BDH1: variants seen among roughly 807,000 people sequenced by gnomAD.
BDH1 encodes the protein D-beta-hydroxybutyrate dehydrogenase, mitochondrial.
A neutral mutation model predicts 33.1 loss-of-function variants in BDH1; 30 were observed. The observed-to-expected ratio is 0.91, with a 90% CI of 0.68 to 1.23. The LOEUF is 1.23. Ranked by LOEUF, BDH1 falls within the 50% of genes most tolerant of loss-of-function variation. BDH1 has a pLI of 0.00. For synonymous variants in BDH1, 190 were observed against 183.6 expected (o/e 1.03, Z -0.28); for missense variants, 443 against 464.4 (o/e 0.95, Z 0.42).
At chr3:197,571,095 C>A (rs1717591425) in intron 1 of BDH1, among the ~76,000 whole-genome samples, 1 of 152,232 alleles carries the variant, frequency 6.6e-6, no homozygotes. Context: ...TAAGATTTGG[C>A]TGCCCTGCTG....
intron 3 of BDH1, among the ~76,000 whole-genome samples, chr3:197,534,407 T>G (rs570992513): frequency 6.6e-6 from 1 of 152,224 alleles, no homozygotes; most frequent in South Asian, 2.1e-4. Flanking sequence ...GTATCAATAA[T>G]TTGCTCCTTG....
intron 5 of BDH1, among the ~76,000 whole-genome samples, chr3:197,531,328 A>C (rs1466586614): frequency 6.6e-6 from 1 of 151,596 alleles, no homozygotes; most frequent in Non-Finnish European, 1.5e-5. Context: ...CCCGGGAGGC[A>C]GAGGTTGCAG....
intron 3 of BDH1, among the ~76,000 whole-genome samples, chr3:197,535,557 G>A (rs1462524682): frequency 1.3e-5 from 2 of 152,170 alleles, no homozygotes; most frequent in Non-Finnish European, 2.9e-5. Context: ...GGACAACAGA[G>A]GAATTTTCAA....
intron 3 of BDH1, among the ~76,000 whole-genome samples, chr3:197,544,597 C>T (rs1383522709): frequency 1.3e-5 from 2 of 152,204 alleles, no homozygotes; most frequent in African/African-American, 4.8e-5. Context: ...GCTCCGTCCC[C>T]GCTCTGATGG....
chr3:197,558,144 C>A (rs1717137135), upstream of BDH1, among the ~76,000 whole-genome samples: 1 of 152,214 alleles, frequency 6.6e-6, no homozygotes, highest in South Asian at 2.1e-4. Context: ...ACACATCTGG[C>A]CTTACATCTT....
rs1488387734 is a variant in BDH1, at chr3:197,566,013, T to G, written c.-44+7168A>C. On this transcript the variant is annotated intron_variant, in intron 1 of 6. Transcript: ENST00000358186. ...TGTTGCTGATCCTTTGTTTTGTTTT[T>G]CAGATACAAGAAAACGTCTTTTAAG... 3.3e-5 allele frequency among the ~76,000 whole-genome samples: 5 copies of G among 152,374 alleles called. No homozygotes were observed. The East Asian group carries it at 9.6e-4, about 29-fold the overall frequency.
chr3:197,541,819 C>G (rs1404783299), intron 3 of BDH1, among the ~76,000 whole-genome samples: 2 of 152,194 alleles, frequency 1.3e-5, no homozygotes, highest in Non-Finnish European at 2.9e-5. Context: ...AAACAAAGAC[C>G]TATCCCCAGG....
chr3:197,525,088 G>C lies in BDH1; in HGVS notation c.268-2307C>G, dbSNP rs951053687. On this transcript the variant is annotated intron_variant, in intron 5 of 7. Coordinates refer to ENST00000392379, the MANE Select transcript of BDH1 (RefSeq NM_203314.3). This position sits in a 1 kb window ranked among gnomAD's most constrained non-coding sequence, Gnocchi z 4.9. ...GAGATGCACGGGACAGATGGGCCTG[G>C]AGCTCAGGCTGTCATTCCCACAGAG... 1.6e-4 allele frequency among the ~76,000 whole-genome samples: 25 copies of C among 152,192 alleles called. No homozygotes were observed. The highest frequency in any genetic ancestry group is 5.8e-4 in the African/African-American group (24 of 41,450).
intron 3 of BDH1, among the ~76,000 whole-genome samples, chr3:197,542,907 C>CAGG (rs1715774102): frequency 6.6e-6 from 1 of 152,130 alleles, no homozygotes; most frequent in Non-Finnish European, 1.5e-5. Context: ...TGCCCTAACC[C>CAGG]AGGAACAGAA....
At chr3:197,524,670 G>A (rs2108729356) in intron 5 of BDH1, among the ~76,000 whole-genome samples, 1 of 151,926 alleles carries the variant, frequency 6.6e-6, no homozygotes, top group African/African-American at 2.4e-5. Context: ...GTCTGGAGAT[G>A]GCATGAGCTG....
chr3:197,569,416 A>C (rs1472546984), intron 1 of BDH1, among the ~76,000 whole-genome samples: 1 of 152,174 alleles, frequency 6.6e-6, no homozygotes, highest in African/African-American at 2.4e-5. Flanking sequence ...TGATGTCTTC[A>C]ATGAGGAAAA....
chr3:197,516,985 G>A lies in BDH1; in HGVS notation c.410-2569C>T, dbSNP rs1290839342. Among the ~76,000 whole-genome samples, 2 of 152,114 alleles carry A rather than the reference G, an allele frequency of 1.3e-5. No individual in the cohort carries two copies. The highest frequency in any genetic ancestry group is 1.9e-4 in the East Asian group (1 of 5,192). ...CAATGTCACCCAGCTAACAGGCAGG[G>A]AGGGTGGGATTTGGACCCAGATCTC... is the stretch of plus-strand genomic sequence containing the variant. On this transcript the variant is annotated intron_variant, in intron 6 of 7. Transcript: ENST00000392379. This position sits in a 1 kb window ranked among gnomAD's most constrained non-coding sequence, Gnocchi z 4.2.
Position 197,514,085 on chromosome 3 carries a change from C to A in BDH1, c.562+179G>T, listed in dbSNP as rs907876929. ...ACCTGCTCTGCTTCCTCCTCCCCTACCCGGCCACAGCCCCTCTGCCCACCA... is the reference window on the plus strand; with the variant it reads ...ACCTGCTCTGCTTCCTCCTCCCCTAACCGGCCACAGCCCCTCTGCCCACCA... On this transcript the variant is annotated intron_variant, in intron 7 of 7. Coordinates refer to ENST00000392379, the MANE Select transcript of BDH1 (RefSeq NM_203314.3). This position sits in a 1 kb window ranked among gnomAD's most constrained non-coding sequence, Gnocchi z 4.2. The A allele has an allele frequency of 2.2e-5, 17 of 786,848 alleles. No homozygotes were observed. Among genetic ancestry groups the A allele is most frequent in the Non-Finnish European group, 3.3e-5 (17 of 519,956 alleles). The allele number at this position is 786,848 out of a possible 1,614,324, so 48.7% of individuals were successfully genotyped here. A position where few individuals can be genotyped will look rare whatever the true frequency, so the allele number is the denominator to read the frequency against.
At chr3:197,551,749 A>G (rs182656841) in intron 2 of BDH1, among the ~76,000 whole-genome samples, 1 of 152,304 alleles carries the variant, frequency 6.6e-6, no homozygotes, top group Non-Finnish European at 1.5e-5. Flanking sequence ...TGCCTCATTT[A>G]TAATGACCTT....
At chr3:197,519,958 G>A (rs1034557620) in intron 6 of BDH1, among the ~76,000 whole-genome samples, 6 of 152,158 alleles carry the variant, frequency 3.9e-5, no homozygotes, top group Admixed American at 1.3e-4. Context: ...GCTGCAGGGC[G>A]TCAAACTCGC....
At position 197,510,524 on chromosome 3, in the gene BDH1, T is replaced by A. The variant is rs979119348; in HGVS notation, c.*1371A>T. ...GTGATCATGCAGACCCTGCCTCAAGTGGCATCACTTCTTAATTGAAAAGAG... is the reference window on the plus strand; with the variant it reads ...GTGATCATGCAGACCCTGCCTCAAGAGGCATCACTTCTTAATTGAAAAGAG... On this transcript the variant is annotated 3_prime_UTR_variant, in exon 8 of 8. Coordinates refer to ENST00000392379, the MANE Select transcript of BDH1 (RefSeq NM_203314.3). 1 of 151,744 alleles carries A rather than the reference T, an allele frequency of 6.6e-6. No individual in the cohort carries two copies. The highest frequency in any genetic ancestry group is 1.5e-5 in the Non-Finnish European group (1 of 68,302). The allele number at this position is 151,744 out of a possible 1,614,324, so 9.4% of individuals were successfully genotyped here.
Position 197,533,542 on chromosome 3 carries a change from A to C in BDH1, c.103T>G (p.Ser35Ala). 1 of 1,614,266 alleles carries C rather than the reference A, an allele frequency of 6.2e-7. No individual in the cohort carries two copies. Among genetic ancestry groups the C allele is most frequent in the Non-Finnish European group, 8.5e-7 (1 of 1,180,036 alleles). Reference sequence around the variant, plus strand: ...CGGCCAATCGGGATAAAGGAAGTAGAACCAAGCAATAGTGGGCGTCTGCAA... The same window carrying C: ...CGGCCAATCGGGATAAAGGAAGTAGCACCAAGCAATAGTGGGCGTCTGCAA... ...NGARRPLLLG[S>A]TSFIPIGRRT... The change falls in exon 4 of 8, where the codon TCT (serine) becomes GCT (alanine). Residue 35 changes from serine to alanine, a missense_variant. Physicochemically the swap from Ser to Ala is moderately conservative, Grantham distance 99. Transcript: ENST00000392379.
At chr3:197,562,644 G>A (rs542672790) in intron 1 of BDH1, among the ~76,000 whole-genome samples, 3 of 152,112 alleles carry the variant, frequency 2.0e-5, no homozygotes, top group Non-Finnish European at 4.4e-5. Flanking sequence ...AAGCTGAGAT[G>A]CATAAGAGGC....
chr3:197,532,944 C>T (rs1198924309), intron 4 of BDH1, among the ~76,000 whole-genome samples: 3 of 152,176 alleles, frequency 2.0e-5, no homozygotes, highest in East Asian at 1.9e-4. Flanking sequence ...TGGCCAGTCT[C>T]GGCTCACCGC....
Sources: gnomAD v4.1 joint callset for allele counts (sites outside exome capture counted in the v4.1 genomes callset) on GRCh38, gnomAD v4.1.1 for gene constraint, Gnocchi (gnomAD v3.1) non-coding constraint, MANE v1.5 for transcripts, NCBI Gene and HGNC (gene_info 2026-07-23, HGNC 2026-07-21) for gene names.